Variants in SDR9C7 observed in about 807,000 individuals in gnomAD.
SDR9C7 encodes the protein short chain dehydrogenase/reductase family 9C member 7.
A neutral mutation model predicts 23.6 loss-of-function variants in SDR9C7; 11 were observed. The observed-to-expected ratio is 0.47, with a 90% confidence interval of 0.29 to 0.77. The LOEUF is 0.77. SDR9C7 is among the 30% of genes least tolerant of loss of function. SDR9C7 has a pLI of 0.09. For synonymous variants in SDR9C7, 167 were observed against 157.3 expected, an observed-to-expected ratio of 1.06 and a Z score of -0.46; for missense variants, 387 against 407.1, an observed-to-expected ratio of 0.95 and a Z score of 0.42.
Position 56,923,555 on chromosome 12 carries a change from T to A in SDR9C7, c.*278A>T, listed in dbSNP as rs1046403164. On this transcript the variant is annotated 3_prime_UTR_variant, in exon 4 of 4. Transcript: ENST00000293502. The stretch of plus-strand genomic sequence containing the variant: ...TGACTTTTCCAGGACCAGAAAAAGC[T>A]GTATCCTGATTGGGTGACAGACGTC... The A allele has an allele frequency of 8.0e-5, 23 of 286,350 alleles. No homozygotes were observed. Among genetic ancestry groups the A allele is most frequent in the Admixed American group, 4.3e-4 (9 of 20,930 alleles). 17.7% of individuals were successfully genotyped at this position (286,350 alleles called of 1,614,324 possible). A position where few individuals can be genotyped will look rare whatever the true frequency, so the allele number is the denominator to read the frequency against.
At chr12:56,927,094 G>T (rs1955739252) in intron 3 of SDR9C7, among the ~76,000 whole-genome samples, 1 of 152,180 alleles carries the variant, frequency 6.6e-6, no homozygotes, top group Admixed American at 6.5e-5. Context: ...AAATGTAGTT[G>T]ACCACTGCCT....
At position 56,934,034 on chromosome 12, in the gene SDR9C7, G is replaced by A; in HGVS notation, c.228C>T (p.Thr76=). 3.1e-6 allele frequency: 5 copies of A among 1,614,204 alleles called. No homozygotes were observed. Among genetic ancestry groups the A allele is most frequent in the Non-Finnish European group, 4.2e-6 (5 of 1,180,042 alleles). ...QRDTSYRLQT[T]LLDVTKSESI... is the part of the protein sequence containing the mutation. ...TTTCGCTCTTGGTGACATCCAGTAG[G>A]GTGGTCTGCAGCCGATAGGAGGTAT... is the stretch of plus-strand genomic sequence containing the variant. Residue 76 remains threonine (T), a synonymous_variant, in exon 1 of 4, where the codon ACC becomes ACT. Coordinates refer to ENST00000293502, the MANE Select transcript of SDR9C7 (RefSeq NM_148897.3).
intron 3 of SDR9C7, among the ~76,000 whole-genome samples, chr12:56,927,040 T>C (rs930148541): frequency 6.6e-6 from 1 of 152,222 alleles, no homozygotes; most frequent in Non-Finnish European, 1.5e-5. Flanking sequence ...ACTGGGCAAC[T>C]GAAGCAAAAA....
At chr12:56,930,602 G>A (rs1002110085) in intron 1 of SDR9C7, 118 bp from the exon 2 acceptor site, 12 of 1,143,824 alleles carry the variant, frequency 1.0e-5, no homozygotes, top group Admixed American at 4.7e-5. Flanking sequence ...GACATAACTC[G>A]GTCAGGCTAT....
chr12:56,925,986 G>A (rs1402106690), intron 3 of SDR9C7, among the ~76,000 whole-genome samples: 1 of 152,202 alleles, frequency 6.6e-6, no homozygotes, highest in Admixed American at 6.5e-5. Context: ...GATATTAGCT[G>A]CCATTCAGTG....
rs1955759475 is a variant in SDR9C7, at chr12:56,930,200, ATTGTTC to A, written c.560+20_560+25del. On this transcript the variant is annotated intron_variant, in intron 2 of 3. Coordinates refer to ENST00000293502, the MANE Select transcript of SDR9C7 (RefSeq NM_148897.3). Reference sequence around the variant, plus strand: ...CTAATCTCTGGGATTTTCACCCAGAATTGTTCAGTACCAGGGCCCAGTTACCTTATG... The same window carrying A: ...CTAATCTCTGGGATTTTCACCCAGAAAGTACCAGGGCCCAGTTACCTTATG... The A allele has an allele frequency of 3.1e-6, 5 of 1,611,296 alleles. No individual in the cohort carries two copies. The East Asian group carries it at 1.1e-4, about 36-fold the overall frequency.
At chr12:56,924,155 A>T (rs1955717190) in intron 3 of SDR9C7, 105 bp from the exon 4 acceptor site, 1 of 755,352 alleles carries the variant, frequency 1.3e-6, no homozygotes, top group Non-Finnish European at 2.2e-6. Context: ...CTGATCTAAC[A>T]TTTCAGGCAG....
intron 1 of SDR9C7, among the ~76,000 whole-genome samples, chr12:56,933,650 G>C (rs975220648): frequency 5.3e-5 from 8 of 152,196 alleles, no homozygotes; most frequent in Admixed American, 5.2e-4. Flanking sequence ...GAGCCACCAC[G>C]CCCAGCCAGG....
At chr12:56,926,408 A>G (rs1955733918) in intron 3 of SDR9C7, among the ~76,000 whole-genome samples, 1 of 152,158 alleles carries the variant, frequency 6.6e-6, no homozygotes, top group African/African-American at 2.4e-5. Context: ...CTGATCCTTC[A>G]TTTCAGAGCC....
chr12:56,931,365 AAAT>A (rs760920641), intron 1 of SDR9C7, among the ~76,000 whole-genome samples: 2 of 151,840 alleles, frequency 1.3e-5, no homozygotes, highest in Admixed American at 6.6e-5. Context: ...GCCTAGAAGG[AAAT>A]AATAATATTT....
chr12:56,925,337 G>T (rs548176498), intron 3 of SDR9C7, among the ~76,000 whole-genome samples: 1 of 152,242 alleles, frequency 6.6e-6, no homozygotes, highest in South Asian at 2.1e-4. Context: ...CAGGACAGGG[G>T]GATTCATGCT....
chr12:56,924,403 T>C (rs1050559936), intron 3 of SDR9C7, among the ~76,000 whole-genome samples: 5 of 151,840 alleles, frequency 3.3e-5, no homozygotes, highest in African/African-American at 1.2e-4. Flanking sequence ...CACTCCAGCC[T>C]GGGAAACAGA....
At chr12:56,927,668 G>A (rs1024306887) in intron 3 of SDR9C7, among the ~76,000 whole-genome samples, 2 of 152,210 alleles carry the variant, frequency 1.3e-5, no homozygotes, top group Non-Finnish European at 1.5e-5. Context: ...GGACTTTTGG[G>A]AGAGGTACTG....
chr12:56,929,264 A>T, intron 3 of SDR9C7, 126 bp downstream of exon 3: 1 of 901,040 alleles, frequency 1.1e-6, no homozygotes, highest in Non-Finnish European at 1.7e-6. Context: ...CAGCTGTGCC[A>T]CTATGTGACC....
At chr12:56,930,176 T>A in intron 2 of SDR9C7, 50 bp downstream of exon 2, 1 of 1,600,156 alleles carries the variant, frequency 6.2e-7, no homozygotes, top group East Asian at 2.2e-5. Context: ...CAACCCTCTC[T>A]AATCTCTGGG....
intron 1 of SDR9C7, among the ~76,000 whole-genome samples, chr12:56,931,059 C>T (rs1955765548): frequency 6.6e-6 from 1 of 151,888 alleles, no homozygotes; most frequent in African/African-American, 2.4e-5. Context: ...GAGTAAGACC[C>T]CTGTCTCTAC....
In SDR9C7 at chr12:56,929,507, C is replaced by T; in HGVS notation, c.607G>A (p.Gly203Arg). Residue 203 changes from glycine to arginine, a missense_variant, in exon 3 of 4, where the codon GGG becomes AGG. By Grantham distance (125) the Gly-to-Arg change is moderately radical (BLOSUM62 -2). Transcript: ENST00000293502. ...FGVKVCIIEPGNYRTAILGKE... is the reference protein window; with the variant it reads ...FGVKVCIIEPRNYRTAILGKE... Reference sequence around the variant, plus strand: ...CCGAGAATGGCTGTCCGATAGTTCCCTGGCTCAATGATGCAGACTTTCACC... The same window carrying T: ...CCGAGAATGGCTGTCCGATAGTTCCTTGGCTCAATGATGCAGACTTTCACC... The T allele has an allele frequency of 6.2e-7, 1 of 1,613,148 alleles. No homozygotes were observed. The highest frequency in any genetic ancestry group is 8.5e-7 in the Non-Finnish European group (1 of 1,179,152).
At chr12:56,925,291 C>T (rs772151174) in intron 3 of SDR9C7, among the ~76,000 whole-genome samples, 8 of 152,100 alleles carry the variant, frequency 5.3e-5, no homozygotes, top group Non-Finnish European at 1.0e-4. Context: ...AGGGCCACAC[C>T]ACACACCCAC....
In SDR9C7 at chr12:56,929,525, C is replaced by G; in HGVS notation, c.589G>C (p.Val197Leu). ...RRELYYFGVKVCIIEPGNYRT... is the reference protein window; with the variant it reads ...RRELYYFGVKLCIIEPGNYRT... ...TAGTTCCCTGGCTCAATGATGCAGA[C>G]TTTCACCCCAAAGTAGTAGAGCTCA... Residue 197 changes from valine to leucine, a missense_variant, in exon 3 of 4, where the codon GTC becomes CTC. Coordinates refer to ENST00000293502, the MANE Select transcript of SDR9C7 (RefSeq NM_148897.3). 6.2e-7 allele frequency: 1 copy of G among 1,611,470 alleles called. No homozygotes were observed. Among genetic ancestry groups the G allele is most frequent in the Non-Finnish European group, 8.5e-7 (1 of 1,177,762 alleles).
Sources: gnomAD v4.1 joint callset for allele counts (sites outside exome capture counted in the v4.1 genomes callset) on GRCh38, gnomAD v4.1.1 for gene constraint, MANE v1.5 for transcripts, NCBI Gene and HGNC (gene_info 2026-07-23, HGNC 2026-07-21) for gene names.